The following SDCCAG8 variants were observed in gnomAD, a reference collection of about 807,000 sequenced individuals.
SDCCAG8 encodes the protein serologically defined colon cancer antigen 8.
A neutral mutation model predicts 101.8 loss-of-function variants in SDCCAG8; 74 were observed. The ratio of observed to expected loss-of-function variants is 0.73; its 90% CI spans 0.60 to 0.88. The LOEUF is 0.88. Among genes scored for constraint, SDCCAG8 ranks in the 40% least tolerant of loss-of-function variants. The pLI is 0.00. For missense variants in SDCCAG8, 787 were observed against 822.6 expected (o/e 0.96, Z 0.53); for synonymous variants, 281 against 292.9 (o/e 0.96, Z 0.41).
chr1:243,317,032 CT>C (rs2073311035), intron 9 of SDCCAG8, 139 bp downstream of exon 9: 1 of 919,440 alleles, frequency 1.1e-6, no homozygotes, highest in African/African-American at 1.7e-5. Flanking sequence ...TTAATGTTGA[CT>C]TTTCTGAATT....
chr1:243,413,499 C>A (rs1406930254), intron 13 of SDCCAG8, among the ~76,000 whole-genome samples: 1 of 152,174 alleles, frequency 6.6e-6, no homozygotes, highest in African/African-American at 2.4e-5. Flanking sequence ...AGCCACCGTG[C>A]CTGACCTATA....
intron 12 of SDCCAG8, among the ~76,000 whole-genome samples, chr1:243,375,185 A>T (rs755019202): frequency 3.9e-5 from 6 of 152,090 alleles, no homozygotes; most frequent in Non-Finnish European, 5.9e-5. Flanking sequence ...CACGTAAGAA[A>T]GGTCTAATAT....
At chr1:243,343,118 T>C (rs867522296) in intron 11 of SDCCAG8, among the ~76,000 whole-genome samples, 1 of 152,176 alleles carries the variant, frequency 6.6e-6, no homozygotes, top group Non-Finnish European at 1.5e-5. Flanking sequence ...TGCGCTACCA[T>C]ACCCAGCTTA....
intron 16 of SDCCAG8, among the ~76,000 whole-genome samples, chr1:243,454,729 A>G (rs1272906168): frequency 6.6e-6 from 1 of 152,146 alleles, no homozygotes; most frequent in Non-Finnish European, 1.5e-5. Context: ...GTGCTCCTGT[A>G]CTATCTTCTG....
In SDCCAG8 at chr1:243,472,327, A is replaced by C. The variant is rs142485313; in HGVS notation, c.1986-16687A>C. Among the ~76,000 whole-genome samples, 28 of 152,312 alleles carry C rather than the reference A, an allele frequency of 1.8e-4. 1 individual carries two copies. Among genetic ancestry groups the C allele is most frequent in the African/African-American group, 6.0e-4 (25 of 41,550 alleles). ...TAAATCATCAAACCAGTTTGAATTAAGTCATCAGCTTGAGTCCCTGAGAGT... is the reference window on the plus strand; with the variant it reads ...TAAATCATCAAACCAGTTTGAATTACGTCATCAGCTTGAGTCCCTGAGAGT... On this transcript the variant is annotated intron_variant, in intron 16 of 17. Coordinates refer to ENST00000366541, the MANE Select transcript of SDCCAG8 (RefSeq NM_006642.5).
chr1:243,285,677 C>A (rs946364632), intron 4 of SDCCAG8, among the ~76,000 whole-genome samples: 15 of 152,080 alleles, frequency 9.9e-5, no homozygotes, highest in African/African-American at 3.6e-4. Flanking sequence ...TGATTGTTGA[C>A]CTGTAATTTC....
At chr1:243,463,899 C>G (rs1027163263) in intron 16 of SDCCAG8, among the ~76,000 whole-genome samples, 2 of 151,940 alleles carry the variant, frequency 1.3e-5, no homozygotes, top group Non-Finnish European at 2.9e-5. Context: ...AAATACCCAT[C>G]CAAGGGATGG....
intron 5 of SDCCAG8, among the ~76,000 whole-genome samples, chr1:243,290,938 A>G (rs1191864514): frequency 6.6e-6 from 1 of 152,184 alleles, no homozygotes; most frequent in Non-Finnish European, 1.5e-5. Context: ...CCTTGGAGCT[A>G]AGATTGATCT....
At chr1:243,465,509 A>G (rs539215273) in intron 16 of SDCCAG8, among the ~76,000 whole-genome samples, 2 of 152,320 alleles carry the variant, frequency 1.3e-5, no homozygotes, top group South Asian at 4.1e-4. Flanking sequence ...TAGTCCTGAA[A>G]CTTAGTACTC....
intron 8 of SDCCAG8, among the ~76,000 whole-genome samples, chr1:243,311,370 AT>A (rs1162491520): frequency 1.3e-5 from 2 of 152,200 alleles, no homozygotes; most frequent in South Asian, 2.1e-4. Flanking sequence ...ACCATACTAC[AT>A]TTTTCCCCTT....
intron 16 of SDCCAG8, among the ~76,000 whole-genome samples, chr1:243,479,350 A>C (rs1349106251): frequency 6.6e-6 from 1 of 152,212 alleles, no homozygotes. Flanking sequence ...CAAACTTTAA[A>C]AGGTCAGGTA....
chr1:243,301,895 A>G (rs2071546730), intron 6 of SDCCAG8, among the ~76,000 whole-genome samples: 1 of 152,234 alleles, frequency 6.6e-6, no homozygotes, highest in South Asian at 2.1e-4. Flanking sequence ...AGATAACAAG[A>G]GAAGCAGCTT....
At chr1:243,326,173 C>T (rs60315455) in intron 9 of SDCCAG8, among the ~76,000 whole-genome samples, 7,047 of 152,168 alleles carry the variant, frequency 0.046, 543 homozygotes, top group African/African-American at 0.16. Context: ...TTCCAATTTG[C>T]TAAGACCTAT....
At chr1:243,340,481 C>G (rs1217667325) in intron 10 of SDCCAG8, among the ~76,000 whole-genome samples, 1 of 152,050 alleles carries the variant, frequency 6.6e-6, no homozygotes, top group Non-Finnish European at 1.5e-5. Flanking sequence ...GAGCTGAAAC[C>G]TACATGAGAA....
intron 10 of SDCCAG8, among the ~76,000 whole-genome samples, chr1:243,333,263 CTCTT>C (rs1366052088): frequency 1.3e-5 from 2 of 152,204 alleles, no homozygotes; most frequent in Non-Finnish European, 2.9e-5. Context: ...TCACTACAGT[CTCTT>C]TCTTATCCTC....
intron 1 of SDCCAG8, among the ~76,000 whole-genome samples, chr1:243,266,955 A>G (rs2067655639): frequency 6.6e-6 from 1 of 150,378 alleles, no homozygotes; most frequent in Admixed American, 6.6e-5. Flanking sequence ...AAAAAAAAAA[A>G]AAAAAAATGC....
At chr1:243,437,531 CTTTT>C (rs931257839) in intron 16 of SDCCAG8, among the ~76,000 whole-genome samples, 4 of 129,578 alleles carry the variant, frequency 3.1e-5, no homozygotes, top group Non-Finnish European at 3.3e-5. Context: ...TGGAGGAATT[CTTTT>C]TTTTTTTTTT....
At chr1:243,297,563 C>T (rs2071054733) in intron 6 of SDCCAG8, among the ~76,000 whole-genome samples, 1 of 152,126 alleles carries the variant, frequency 6.6e-6, no homozygotes, top group Non-Finnish European at 1.5e-5. Context: ...GTTTACACTC[C>T]TACCAGTAGT....
intron 13 of SDCCAG8, among the ~76,000 whole-genome samples, chr1:243,402,230 C>A (rs1180497022): frequency 2.0e-5 from 3 of 152,040 alleles, no homozygotes; most frequent in Admixed American, 6.6e-5. Flanking sequence ...GAGTTTGAGA[C>A]CAGCCTAGCC....
Sources: gnomAD v4.1 joint callset for allele counts (sites outside exome capture counted in the v4.1 genomes callset) on GRCh38, gnomAD v4.1.1 for gene constraint, MANE v1.5 for transcripts, NCBI Gene and HGNC (gene_info 2026-07-23, HGNC 2026-07-21) for gene names.